Variants in SPHKAP observed in about 807,000 individuals in gnomAD.
SPHKAP encodes the protein SPHK1 interactor, AKAP domain containing.
SPHKAP carries 67 observed loss-of-function variants against 137.5 expected under a neutral mutation model. That is an observed-to-expected ratio of 0.49 (90% CI 0.40 to 0.60). The LOEUF (loss-of-function observed/expected upper bound fraction) is 0.60, where lower values mean the gene tolerates loss of function less well. Among genes scored for constraint, SPHKAP ranks in the 20% least tolerant of loss-of-function variants. The pLI, the probability that SPHKAP is intolerant of heterozygous loss-of-function variation, is 0.00. For missense variants in SPHKAP, 2,097 were observed against 2,069.3 expected, an observed-to-expected ratio of 1.01 and a Z score of -0.26; for synonymous variants, 813 against 785.3, an observed-to-expected ratio of 1.04 and a Z score of -0.59.
chr2:227,999,767 T>A (rs1040223060), intron 7 of SPHKAP, among the ~76,000 whole-genome samples: 1 of 152,174 alleles, frequency 6.6e-6, no homozygotes, highest in African/African-American at 2.4e-5. Context: ...GAAATTGAAA[T>A]TTACAGTTCT....
At chr2:228,087,220 T>C (rs977931739) in intron 3 of SPHKAP, among the ~76,000 whole-genome samples, 2 of 152,120 alleles carry the variant, frequency 1.3e-5, no homozygotes, top group Admixed American at 6.6e-5. Context: ...TCACACTGCA[T>C]TGGGGAAATA....
chr2:228,010,644 G>A (rs1694333897), intron 7 of SPHKAP, among the ~76,000 whole-genome samples: 1 of 152,056 alleles, frequency 6.6e-6, no homozygotes, highest in Non-Finnish European at 1.5e-5. Flanking sequence ...TCTCTCTGTA[G>A]GTATGCCATT....
chr2:228,023,515 G>A (rs1317364711), intron 5 of SPHKAP, among the ~76,000 whole-genome samples: 3 of 152,158 alleles, frequency 2.0e-5, no homozygotes, highest in East Asian at 1.9e-4. Context: ...GTGATCCCCC[G>A]AATGGAGAGG....
At chr2:228,170,204 C>T (rs186030343) in intron 1 of SPHKAP, among the ~76,000 whole-genome samples, 163 of 152,204 alleles carry the variant, frequency 1.1e-3, no homozygotes, top group Admixed American at 3.7e-3. Context: ...TATGGATGAG[C>T]AAATAAATTT....
At chr2:228,067,732 A>G (rs1696873181) in intron 3 of SPHKAP, among the ~76,000 whole-genome samples, 1 of 152,220 alleles carries the variant, frequency 6.6e-6, no homozygotes, top group Non-Finnish European at 1.5e-5. Flanking sequence ...TCCAGGGCGT[A>G]ATCAGAGTTT....
At chr2:228,040,688 A>C (rs1695802955) in intron 3 of SPHKAP, among the ~76,000 whole-genome samples, 1 of 152,198 alleles carries the variant, frequency 6.6e-6, no homozygotes, top group African/African-American at 2.4e-5. Context: ...AAAATACTAG[A>C]GATCTTTTAA....
Position 228,181,476 on chromosome 2 carries a change from G to T in SPHKAP, c.32+91C>A. On this transcript the variant is annotated intron_variant, in intron 1 of 11. Transcript: ENST00000392056. This position sits in a 1 kb window ranked among gnomAD's most constrained non-coding sequence, Gnocchi z 4.3. ...CCTCGCTGGGAGCCCCGTGCAAACC[G>T]AAGCGCTCTGGGGCAAGTTGGTGAG... 1 of 1,586,222 alleles carries T rather than the reference G, an allele frequency of 6.3e-7. No homozygotes were observed. The highest frequency in any genetic ancestry group is 8.7e-7 in the Non-Finnish European group (1 of 1,154,822).
chr2:228,056,467 G>T (rs989005099), intron 3 of SPHKAP, among the ~76,000 whole-genome samples: 2 of 151,960 alleles, frequency 1.3e-5, no homozygotes, highest in Non-Finnish European at 2.9e-5. Flanking sequence ...GCATAACCTG[G>T]AGGTACCTGC....
intron 7 of SPHKAP, among the ~76,000 whole-genome samples, chr2:228,009,835 C>T (rs1028587772): frequency 3.3e-5 from 5 of 152,120 alleles, no homozygotes; most frequent in African/African-American, 1.2e-4. Flanking sequence ...CTACTAAGTA[C>T]TGTGTGTATG....
At chr2:228,123,829 C>T (rs534131799) in intron 2 of SPHKAP, among the ~76,000 whole-genome samples, 6 of 152,218 alleles carry the variant, frequency 3.9e-5, no homozygotes, top group African/African-American at 1.4e-4. Context: ...TTGCAATCTA[C>T]TTATCTGACA....
At chr2:227,982,958 C>A (rs1693054637) in intron 11 of SPHKAP, among the ~76,000 whole-genome samples, 1 of 151,930 alleles carries the variant, frequency 6.6e-6, no homozygotes, top group South Asian at 2.1e-4. Flanking sequence ...TAAGTAAATT[C>A]TATGTTCTTG....
intron 1 of SPHKAP, among the ~76,000 whole-genome samples, chr2:228,143,202 C>CA (rs1265525903): frequency 6.6e-6 from 1 of 152,030 alleles, no homozygotes; most frequent in East Asian, 1.9e-4. Flanking sequence ...CAGTTGGGTG[C>CA]AAAATATTAC....
intron 3 of SPHKAP, among the ~76,000 whole-genome samples, chr2:228,072,973 A>C (rs1457480706): frequency 6.6e-6 from 1 of 152,242 alleles, no homozygotes; most frequent in African/African-American, 2.4e-5. Context: ...TCCCTGGCTG[A>C]ATTCCTCATG....
In SPHKAP at chr2:228,051,148, C is replaced by T. The variant is rs1484445524; in HGVS notation, c.247-23605G>A. Among the ~76,000 whole-genome samples the T allele has an allele frequency of 2.0e-5, 3 of 152,148 alleles. No homozygotes were observed. In the East Asian group the frequency reaches 5.8e-4, roughly 29 times the overall value. On this transcript the variant is annotated intron_variant, in intron 3 of 11. Transcript: ENST00000392056. ...ACCTCTTCTCAGAATTGTTATATCA[C>T]AATTTTGGGCAAATGAATATTTAGT... is the stretch of plus-strand genomic sequence containing the variant.
At chr2:228,028,316 C>G (rs143838217) in intron 3 of SPHKAP, among the ~76,000 whole-genome samples, 1 of 152,212 alleles carries the variant, frequency 6.6e-6, no homozygotes, top group Non-Finnish European at 1.5e-5. Flanking sequence ...TAAGCCAGGA[C>G]TCCTCTTTGC....
intron 7 of SPHKAP, among the ~76,000 whole-genome samples, chr2:228,011,974 T>C (rs1408408113): frequency 2.0e-5 from 3 of 151,954 alleles, no homozygotes; most frequent in Non-Finnish European, 4.4e-5. Context: ...GAGACCAGCC[T>C]GGGCAACAGA....
chr2:228,127,182 C>T (rs993318330), intron 2 of SPHKAP, among the ~76,000 whole-genome samples: 3 of 152,160 alleles, frequency 2.0e-5, no homozygotes, highest in African/African-American at 7.2e-5. Flanking sequence ...ATGTAACTGT[C>T]CTTGTTCTTT....
At chr2:227,995,870 C>T in intron 7 of SPHKAP, 176 bp from the exon 8 acceptor site, 1 of 929,594 alleles carries the variant, frequency 1.1e-6, no homozygotes, top group Non-Finnish European at 1.3e-6. Flanking sequence ...TTCAGGATTA[C>T]TCCCCATCAG....
At chr2:228,089,035 T>C (rs1288623006) in intron 3 of SPHKAP, among the ~76,000 whole-genome samples, 1 of 152,090 alleles carries the variant, frequency 6.6e-6, no homozygotes, top group Non-Finnish European at 1.5e-5. Context: ...AACTGGGTAA[T>C]GGGAACAGGT....
Sources: gnomAD v4.1 joint callset for allele counts (sites outside exome capture counted in the v4.1 genomes callset) on GRCh38, gnomAD v4.1.1 for gene constraint, Gnocchi (gnomAD v3.1) non-coding constraint, MANE v1.5 for transcripts, NCBI Gene and HGNC (gene_info 2026-07-23, HGNC 2026-07-21) for gene names.